The following HVCN1 variants were observed in gnomAD, a reference collection of about 807,000 sequenced individuals.
HVCN1 encodes the protein voltage-gated hydrogen channel 1.
A neutral mutation model predicts 29.2 loss-of-function variants in HVCN1; 14 were observed. The ratio of observed to expected loss-of-function variants is 0.48; its 90% CI spans 0.32 to 0.75. The LOEUF (loss-of-function observed/expected upper bound fraction) is 0.75. HVCN1 is among the 30% of genes least tolerant of loss of function. HVCN1 has a pLI of 0.04. For missense variants in HVCN1, 263 were observed against 341.8 expected (o/e 0.77, Z 1.82); for synonymous variants, 131 against 133.2 (o/e 0.98, Z 0.11).
At chr12:110,654,808 G>A (rs188289689) in intron 5 of HVCN1, among the ~76,000 whole-genome samples, 1 of 152,170 alleles carries the variant, frequency 6.6e-6, no homozygotes, top group East Asian at 1.9e-4. Context: ...CTTGATCTCC[G>A]CCCTTGGAAC....
rs2067637664 is a variant in HVCN1 at position 110,648,973 on chromosome 12, A to G, written c.*437T>C. On this transcript the variant is annotated 3_prime_UTR_variant, in exon 8 of 8. Transcript: ENST00000242607. ...GGAAACTGAGACGAAGCTATTTAGA[A>G]CAGCTTGAAAATAAGAGACTTTTCT... 3 of 443,806 alleles carry G rather than the reference A, an allele frequency of 6.8e-6. No homozygotes were observed. Among genetic ancestry groups the G allele is most frequent in the African/African-American group, 6.2e-5 (3 of 48,638 alleles). The allele number at this position is 443,806 out of a possible 1,614,324, so 27.5% of individuals were successfully genotyped here. A position where few individuals can be genotyped will look rare whatever the true frequency, so the allele number is the denominator to read the frequency against.
upstream of HVCN1, among the ~76,000 whole-genome samples, chr12:110,690,173 T>A (rs1593546365): frequency 6.6e-6 from 1 of 151,940 alleles, no homozygotes; most frequent in Non-Finnish European, 1.5e-5. Context: ...GCTGGAGAGG[T>A]GCCTGTGATC....
chr12:110,696,505 A>C (rs2069493754), intron 2 of HVCN1, among the ~76,000 whole-genome samples: 1 of 151,870 alleles, frequency 6.6e-6, no homozygotes, highest in African/African-American at 2.4e-5. Context: ...GCTTGAGCCC[A>C]GGAGGTGGAG....
At chr12:110,681,825 A>G (rs1179643228) in intron 3 of HVCN1, among the ~76,000 whole-genome samples, 1 of 152,132 alleles carries the variant, frequency 6.6e-6, no homozygotes, top group African/African-American at 2.4e-5. Flanking sequence ...GTGAAAGTCA[A>G]CACTTCCTTT....
intron 3 of HVCN1, among the ~76,000 whole-genome samples, chr12:110,668,766 A>G (rs1406981252): frequency 6.6e-6 from 1 of 152,096 alleles, no homozygotes; most frequent in Non-Finnish European, 1.5e-5. Flanking sequence ...TCCCCACTGT[A>G]CCCTGATGCT....
intron 3 of HVCN1, among the ~76,000 whole-genome samples, chr12:110,668,380 T>C (rs7955616): frequency 0.14 from 20,705 of 152,050 alleles, 1,840 homozygotes; most frequent in African/African-American, 0.26. Context: ...TGGTGGGCAC[T>C]TGTAATCCCA....
intron 4 of HVCN1, among the ~76,000 whole-genome samples, chr12:110,657,434 G>A (rs752817840): frequency 2.0e-5 from 3 of 151,536 alleles, no homozygotes; most frequent in Non-Finnish European, 2.9e-5. Flanking sequence ...GGCGGAGGTT[G>A]CAGTGAGCCG....
chr12:110,682,080 C>T (rs1264241026), intron 3 of HVCN1, among the ~76,000 whole-genome samples: 1 of 152,084 alleles, frequency 6.6e-6, no homozygotes, highest in African/African-American at 2.4e-5. Context: ...CTCTGCCTCC[C>T]AAGTTCAAGC....
intron 4 of HVCN1, among the ~76,000 whole-genome samples, chr12:110,660,881 T>C (rs1026230233): frequency 4.6e-5 from 7 of 152,390 alleles, no homozygotes; most frequent in African/African-American, 1.2e-4. Context: ...GCTTTTGATG[T>C]TGGAATCATA....
At chr12:110,655,910 A>G (rs980881974) in intron 4 of HVCN1, among the ~76,000 whole-genome samples, 10 of 152,172 alleles carry the variant, frequency 6.6e-5, no homozygotes, top group East Asian at 1.9e-4. Context: ...TCACCATGTT[A>G]GCCAGGCTGG....
chr12:110,648,779 T>A lies in HVCN1; in HGVS notation c.*631A>T. The A allele has an allele frequency of 3.3e-6, 1 of 299,640 alleles. No individual in the cohort carries two copies. 18.6% of individuals were successfully genotyped at this position (299,640 alleles called of 1,614,324 possible). On this transcript the variant is annotated 3_prime_UTR_variant, in exon 8 of 8. Transcript: ENST00000242607. ...CAGAGGAAAGAATACAGTAGGAGGG[T>A]CCAGGGAAAAGAGAGAGTTTATTTT...
At chr12:110,700,444 G>A (rs2069553125) in intron 2 of HVCN1, among the ~76,000 whole-genome samples, 2 of 152,136 alleles carry the variant, frequency 1.3e-5, no homozygotes, top group African/African-American at 4.8e-5. Context: ...AAAGGACATC[G>A]AAGCAGCCAA....
chr12:110,669,990 C>T (rs2068519169), intron 3 of HVCN1, among the ~76,000 whole-genome samples: 1 of 152,122 alleles, frequency 6.6e-6, no homozygotes, highest in South Asian at 2.1e-4. Flanking sequence ...CGCCCCTGCA[C>T]TCCAGCCTGG....
chr12:110,679,507 T>A, intron 3 of HVCN1, among the ~76,000 whole-genome samples: 1 of 152,220 alleles, frequency 6.6e-6, no homozygotes, highest in Admixed American at 6.5e-5. Flanking sequence ...CGCAATCTTG[T>A]TTAACCCTCA....
intron 2 of HVCN1, among the ~76,000 whole-genome samples, chr12:110,684,373 A>C (rs2069103358): frequency 6.6e-6 from 1 of 152,250 alleles, no homozygotes; most frequent in Non-Finnish European, 1.5e-5. Context: ...CAATTGAAAA[A>C]AGACAGACAT....
rs1390354505 is a variant in HVCN1, at chr12:110,695,996, A to C, written c.-104+6313T>G. Among the ~76,000 whole-genome samples, 12 of 145,466 alleles carry C rather than the reference A, an allele frequency of 8.2e-5. No homozygotes were observed. The Middle Eastern group carries it at 0.015, about 180-fold the overall frequency. ...AGATGGAGTTTCATTCTTGTCGCCCAGGCTGGAGTGCAATGGCGCGATCTC... is the reference window on the plus strand; with the variant it reads ...AGATGGAGTTTCATTCTTGTCGCCCCGGCTGGAGTGCAATGGCGCGATCTC... On this transcript the variant is annotated intron_variant, in intron 2 of 4. Coordinates refer to the HVCN1 transcript ENST00000546713.
intron 4 of HVCN1, among the ~76,000 whole-genome samples, chr12:110,659,347 T>C (rs2068089692): frequency 6.6e-6 from 1 of 152,200 alleles, no homozygotes; most frequent in Non-Finnish European, 1.5e-5. Context: ...TTTTCTCTTT[T>C]ACCCTGGAAT....
At chr12:110,689,495 C>T (rs1452117989), upstream of HVCN1, 1 of 152,350 alleles carries the variant, frequency 6.6e-6, no homozygotes, top group Non-Finnish European at 1.5e-5. The surrounding 1 kb of genome is among the most constrained non-coding windows in gnomAD (Gnocchi z 5.7). Context: ...GGCGAATCCA[C>T]CCCGCCAACC....
intron 2 of HVCN1, among the ~76,000 whole-genome samples, chr12:110,701,167 A>G (rs190054102): frequency 6.6e-6 from 1 of 152,334 alleles, no homozygotes; most frequent in Non-Finnish European, 1.5e-5. Context: ...AAGCCAGCAG[A>G]TTCCCTCTGC....
Sources: gnomAD v4.1 joint callset for allele counts (sites outside exome capture counted in the v4.1 genomes callset) on GRCh38, gnomAD v4.1.1 for gene constraint, Gnocchi (gnomAD v3.1) non-coding constraint, MANE v1.5 for transcripts, NCBI Gene and HGNC (gene_info 2026-07-23, HGNC 2026-07-21) for gene names.